SLC37A3: variants seen among roughly 807,000 people sequenced by gnomAD.
The protein encoded by SLC37A3 is sugar phosphate exchanger 3.
SLC37A3 carries 51 observed loss-of-function variants against 67.1 expected under a neutral mutation model. That is an observed-to-expected ratio of 0.76 (90% CI 0.61 to 0.96). The LOEUF is 0.96. Among genes scored for constraint, SLC37A3 ranks in the 40% least tolerant of loss-of-function variants. The pLI is 0.00. For missense variants in SLC37A3, 508 were observed against 603.0 expected, an observed-to-expected ratio of 0.84 and a Z score of 1.65; for synonymous variants, 214 against 231.4, an observed-to-expected ratio of 0.92 and a Z score of 0.68.
chr7:140,378,858 C>G, intron 3 of SLC37A3, among the ~76,000 whole-genome samples: 1 of 151,888 alleles, frequency 6.6e-6, no homozygotes, highest in East Asian at 1.9e-4. Flanking sequence ...ACTAGCTTGG[C>G]CAACATGGCG....
intron 4 of SLC37A3, among the ~76,000 whole-genome samples, chr7:140,368,170 G>A (rs1797680096): frequency 6.6e-6 from 1 of 152,002 alleles, no homozygotes; most frequent in Non-Finnish European, 1.5e-5. Flanking sequence ...CCACCTCTGA[G>A]GACTGGAAGC....
At chr7:140,358,608 C>G in intron 6 of SLC37A3, 32 bp downstream of exon 6, 1 of 1,612,940 alleles carries the variant, frequency 6.2e-7, no homozygotes, top group Non-Finnish European at 8.5e-7. Flanking sequence ...ACCACTTAAA[C>G]AGAGAAATTA....
chr7:140,370,984 G>A (rs778608673), intron 3 of SLC37A3, among the ~76,000 whole-genome samples: 8 of 152,062 alleles, frequency 5.3e-5, no homozygotes, highest in Non-Finnish European at 8.8e-5. Context: ...GGTCAGAGTT[G>A]ATTGGCCTGG....
rs373935293 is a variant in SLC37A3 at position 140,365,902 on chromosome 7, T to A, written c.292-1411A>T. Among the ~76,000 whole-genome samples, 283 of 141,558 alleles carry A rather than the reference T, an allele frequency of 2.0e-3. 2 individuals carry two copies. Among genetic ancestry groups the A allele is most frequent in the African/African-American group, 7.0e-3 (267 of 38,078 alleles). 92.9% of individuals were successfully genotyped at this position (141,558 alleles called of 152,430 possible). A position where few individuals can be genotyped will look rare whatever the true frequency, so the allele number is the denominator to read the frequency against. The stretch of plus-strand genomic sequence containing the variant: ...AAGAAAATCTCAATTCTGCTTCAGA[T>A]GACAGAACAATACATGCTTTTTTTT... On this transcript the variant is annotated intron_variant, in intron 4 of 14. Coordinates refer to ENST00000326232, the MANE Select transcript of SLC37A3 (RefSeq NM_207113.3).
chr7:140,361,185 G>A (rs1404360291), intron 5 of SLC37A3, among the ~76,000 whole-genome samples: 5 of 109,780 alleles, frequency 4.6e-5, no homozygotes, highest in Non-Finnish European at 1.1e-4. Flanking sequence ...CACCGAGATA[G>A]AAAGGAGCAG....
chr7:140,383,235 T>TA (rs1180617254), intron 1 of SLC37A3, among the ~76,000 whole-genome samples: 1 of 151,998 alleles, frequency 6.6e-6, no homozygotes, highest in African/African-American at 2.4e-5. Context: ...ATCTATTCCT[T>TA]AAAAAATACA....
At chr7:140,380,574 G>A (rs964179257) in intron 2 of SLC37A3, among the ~76,000 whole-genome samples, 184 bp from the exon 3 acceptor site, 3 of 152,024 alleles carry the variant, frequency 2.0e-5, no homozygotes, top group African/African-American at 7.2e-5. Flanking sequence ...TTTGAGACAG[G>A]ATCTCGCTCT....
intron 1 of SLC37A3, among the ~76,000 whole-genome samples, chr7:140,395,934 T>C (rs951499728): frequency 3.3e-5 from 5 of 150,728 alleles, no homozygotes; most frequent in Non-Finnish European, 7.4e-5. Context: ...TGGGAAATTA[T>C]TAAATGTATA....
chr7:140,335,118 A>G lies in SLC37A3; in HGVS notation c.*294T>C, dbSNP rs998357406. 1.3e-5 allele frequency: 14 copies of G among 1,099,636 alleles called. No homozygotes were observed. Among genetic ancestry groups the G allele is most frequent in the Non-Finnish European group, 1.7e-5 (13 of 782,608 alleles). 68.1% of individuals were successfully genotyped at this position (1,099,636 alleles called of 1,614,324 possible). On this transcript the variant is annotated 3_prime_UTR_variant, in exon 15 of 15. Transcript: ENST00000326232. ...GTTAAGGTTAAAACGCTAAACCTCA[A>G]TAGGCCAAACAAAGACGCGGGCAGA...
rs1563060974 is a variant in SLC37A3 at position 140,396,902 on chromosome 7, T to TG, written c.-71+1513_-71+1514insC. ...TTTCTGTTTTTTTTTTTGTTTTTTT[T>TG]TTTTTGACAGAGTCTGAGGCCGGGC... is the stretch of plus-strand genomic sequence containing the variant. On this transcript the variant is annotated intron_variant, in intron 1 of 14. Coordinates refer to ENST00000326232, the MANE Select transcript of SLC37A3 (RefSeq NM_207113.3). Among the ~76,000 whole-genome samples the TG allele has an allele frequency of 1.4e-4, 21 of 149,716 alleles. No homozygotes were observed. The South Asian group carries it at 2.3e-3, about 17-fold the overall frequency.
At chr7:140,355,851 A>G (rs1330502099) in intron 6 of SLC37A3, 87 bp from the exon 7 acceptor site, 36 of 1,090,666 alleles carry the variant, frequency 3.3e-5, no homozygotes, top group Admixed American at 9.8e-5. Flanking sequence ...CAAAACAACC[A>G]AGGTGCATAC....
intron 6 of SLC37A3, 150 bp downstream of exon 6, chr7:140,358,490 T>C (rs1215366473): frequency 2.8e-6 from 3 of 1,082,302 alleles, no homozygotes; most frequent in Admixed American, 2.2e-5. Context: ...CACACTGACG[T>C]GAAACCCTCT....
At chr7:140,351,953 A>T in intron 8 of SLC37A3, 109 bp downstream of exon 8, 1 of 1,091,634 alleles carries the variant, frequency 9.2e-7, no homozygotes. Flanking sequence ...ACTCACTAAA[A>T]GGAGCTCAGA....
Position 140,351,329 on chromosome 7 carries a change from C to G in SLC37A3, c.826G>C (p.Ala276Pro). The stretch of plus-strand genomic sequence containing the variant: ...TAGAAGCTTATCGCCTTGACTTGGG[C>G]AACAGAACTATCATCTTGGATTGAA... Reference protein sequence around the residue: ...NYSIQDDSSVAQVKAISFYQA... With the variant: ...NYSIQDDSSVPQVKAISFYQA... The change falls in exon 9 of 15, where the codon GCC becomes CCC. Residue 276 changes from alanine to proline, a missense_variant. By Grantham distance (27) the Ala-to-Pro change is conservative. Transcript: ENST00000326232. 1 of 1,614,130 alleles carries G rather than the reference C, an allele frequency of 6.2e-7. No homozygotes were observed. The highest frequency in any genetic ancestry group is 1.3e-5 in the African/African-American group (1 of 75,024).
intron 12 of SLC37A3, among the ~76,000 whole-genome samples, chr7:140,344,885 T>C (rs1796492322): frequency 6.6e-6 from 1 of 152,216 alleles, no homozygotes; most frequent in African/African-American, 2.4e-5. Flanking sequence ...CACGAGCTAT[T>C]GTGGATTTTT....
chr7:140,373,870 C>G (rs1333634242), intron 3 of SLC37A3, among the ~76,000 whole-genome samples: 1 of 152,004 alleles, frequency 6.6e-6, no homozygotes, highest in Non-Finnish European at 1.5e-5. Flanking sequence ...CCCACTATCT[C>G]CTATTAACAG....
At chr7:140,358,163 C>G (rs1797112198) in intron 6 of SLC37A3, among the ~76,000 whole-genome samples, 1 of 152,124 alleles carries the variant, frequency 6.6e-6, no homozygotes, top group Non-Finnish European at 1.5e-5. Context: ...CGTTCTTCAT[C>G]TGAGTCTAAT....
chr7:140,362,755 G>A lies in SLC37A3; in HGVS notation c.375+1653C>T, dbSNP rs1382688643. Among the ~76,000 whole-genome samples, 37 of 89,134 alleles carry A rather than the reference G, an allele frequency of 4.2e-4. 1 individual carries two copies. Among genetic ancestry groups the A allele is most frequent in the Non-Finnish European group, 6.9e-4 (29 of 41,738 alleles). The allele number at this position is 89,134 out of a possible 152,430, so 58.5% of individuals were successfully genotyped here. On this transcript the variant is annotated intron_variant, in intron 5 of 14. Coordinates refer to ENST00000326232, the MANE Select transcript of SLC37A3 (RefSeq NM_207113.3). Reference sequence around the variant, plus strand: ...GGGTCAGCCCCCCACCCGGCCAGCCGCCCCGTCCGGGAGGGAGGTGGGGGG... The same window carrying A: ...GGGTCAGCCCCCCACCCGGCCAGCCACCCCGTCCGGGAGGGAGGTGGGGGG...
intron 4 of SLC37A3, among the ~76,000 whole-genome samples, chr7:140,365,532 C>T (rs1385687815): frequency 1.3e-5 from 2 of 152,124 alleles, no homozygotes; most frequent in Non-Finnish European, 2.9e-5. Flanking sequence ...ACCAGCCTGA[C>T]CAACATGGTG....
Sources: allele counts gnomAD v4.1 joint callset (sites outside exome capture counted in the v4.1 genomes callset), GRCh38; gene constraint gnomAD v4.1.1; transcripts MANE v1.5; gene names NCBI Gene and HGNC (gene_info 2026-07-23, HGNC 2026-07-21).